ITPR2: variants seen among roughly 807,000 people sequenced by gnomAD.
ITPR2 encodes inositol 1,4,5-trisphosphate receptor type 2.
ITPR2 carries 207 observed loss-of-function variants against 317.1 expected under a neutral mutation model. That is an observed-to-expected ratio of 0.65 (90% CI 0.58 to 0.73). The LOEUF is 0.73. Among genes scored for constraint, ITPR2 ranks in the 30% least tolerant of loss-of-function variants. The probability of loss-of-function intolerance (pLI) is 0.00; values close to 1 mark genes in which losing one functional copy is unlikely to be tolerated. For synonymous variants in ITPR2, 1,156 were observed against 1,149.1 expected (o/e 1.01, Z -0.12); for missense variants, 2,613 against 3,284.0 (o/e 0.80, Z 4.99).
At chr12:26,733,428 A>G (rs1949060103) in intron 2 of ITPR2, among the ~76,000 whole-genome samples, 1 of 152,104 alleles carries the variant, frequency 6.6e-6, no homozygotes, top group South Asian at 2.1e-4. Context: ...ACACAACACA[A>G]CCTCTAGAAA....
intron 32 of ITPR2, among the ~76,000 whole-genome samples, chr12:26,593,513 G>A (rs544618059): frequency 2.6e-5 from 4 of 152,318 alleles, no homozygotes; most frequent in Non-Finnish European, 5.9e-5. Flanking sequence ...AAAAGGAAAG[G>A]TGATTCCTGT....
chr12:26,354,749 A>G (rs1219117096), intron 55 of ITPR2, among the ~76,000 whole-genome samples: 1 of 151,820 alleles, frequency 6.6e-6, no homozygotes, highest in Non-Finnish European at 1.5e-5. Flanking sequence ...GCTCACTGCA[A>G]CCTCTGCCTC....
chr12:26,590,098 A>G (rs7132085), intron 32 of ITPR2, among the ~76,000 whole-genome samples: 108,986 of 151,238 alleles, frequency 0.72, 40,830 homozygotes, highest in Non-Finnish European at 0.83. Context: ...GAAGGCTATC[A>G]GAAAATATCT....
intron 21 of ITPR2, among the ~76,000 whole-genome samples, chr12:26,647,214 T>C (rs969903227): frequency 3.3e-5 from 5 of 152,224 alleles, no homozygotes; most frequent in African/African-American, 1.2e-4. Flanking sequence ...GATAACTAAA[T>C]AACAAACCAG....
intron 37 of ITPR2, among the ~76,000 whole-genome samples, chr12:26,540,832 C>T (rs1170816914): frequency 1.3e-5 from 2 of 152,038 alleles, no homozygotes; most frequent in African/African-American, 4.8e-5. Context: ...TTTCTAAAAG[C>T]AACTGTTGCT....
chr12:26,571,598 AG>A (rs1321567737), intron 34 of ITPR2, among the ~76,000 whole-genome samples: 10 of 152,388 alleles, frequency 6.6e-5, no homozygotes, highest in African/African-American at 2.4e-4. Flanking sequence ...ATAGCAGAGC[AG>A]AGATTTGTGA....
chr12:26,789,357 G>A (rs1185662685), intron 2 of ITPR2, among the ~76,000 whole-genome samples: 1 of 152,130 alleles, frequency 6.6e-6, no homozygotes, highest in Non-Finnish European at 1.5e-5. Context: ...CTTTTCCATT[G>A]CAGTAAGCAG....
At chr12:26,724,395 C>A (rs1265553760) in intron 4 of ITPR2, among the ~76,000 whole-genome samples, 2 of 152,136 alleles carry the variant, frequency 1.3e-5, no homozygotes, top group African/African-American at 2.4e-5. Context: ...TGTTTCCTGA[C>A]CCTCTTCTTT....
At chr12:26,682,230 C>T (rs998711386) in intron 12 of ITPR2, among the ~76,000 whole-genome samples, 196 bp from the exon 13 acceptor site, 5 of 152,142 alleles carry the variant, frequency 3.3e-5, no homozygotes, top group Non-Finnish European at 7.4e-5. Context: ...GCCCTGTTCC[C>T]AAAGCCCCAC....
intron 43 of ITPR2, among the ~76,000 whole-genome samples, chr12:26,480,230 G>A (rs1222502457): frequency 6.6e-6 from 1 of 152,082 alleles, no homozygotes; most frequent in East Asian, 1.9e-4. Context: ...CTTAGTATTT[G>A]GGCTTTATAT....
chr12:26,403,771 T>C (rs758259660), intron 52 of ITPR2, among the ~76,000 whole-genome samples: 8 of 152,154 alleles, frequency 5.3e-5, no homozygotes, highest in Non-Finnish European at 8.8e-5. Context: ...GACTCATCAA[T>C]GTACTAAGAC....
intron 35 of ITPR2, among the ~76,000 whole-genome samples, 174 bp from the exon 36 acceptor site, chr12:26,556,549 G>A (rs1386106088): frequency 1.7e-5 from 2 of 116,454 alleles, no homozygotes; most frequent in African/African-American, 3.2e-5. Flanking sequence ...ATATTGCCTG[G>A]GTCTCTATTT....
intron 54 of ITPR2, among the ~76,000 whole-genome samples, chr12:26,391,555 CCTTTTTTTTTTTTTT>C (rs1262349006): frequency 1.4e-4 from 10 of 70,856 alleles, no homozygotes; most frequent in African/African-American, 4.3e-4. Flanking sequence ...TTCTTCTTTT[CCTTTTTTTTTTTTTT>C]TTTTTTTTTT....
chr12:26,403,247 A>G (rs563349599), intron 52 of ITPR2, among the ~76,000 whole-genome samples: 1 of 152,288 alleles, frequency 6.6e-6, no homozygotes, highest in East Asian at 1.9e-4. Context: ...AGACTTTGGT[A>G]AACACAGAAG....
chr12:26,656,565 ATATT>A lies in ITPR2; in HGVS notation c.2193-21_2193-18del, dbSNP rs766157618. 2.5e-6 allele frequency: 4 copies of A among 1,612,876 alleles called. No homozygotes were observed. Among genetic ancestry groups the A allele is most frequent in the Non-Finnish European group, 3.4e-6 (4 of 1,179,184 alleles). On this transcript the variant is annotated intron_variant, in intron 18 of 56. Coordinates refer to ENST00000381340, the MANE Select transcript of ITPR2 (RefSeq NM_002223.4). ...AGCTGGTACCTTAAAAATGGTAAAC[ATATT>A]ACATTATTGTCTTATCTCAAGGAAA...
chr12:26,535,351 A>T (rs931628367), intron 37 of ITPR2, among the ~76,000 whole-genome samples: 1 of 152,248 alleles, frequency 6.6e-6, no homozygotes, highest in Non-Finnish European at 1.5e-5. Context: ...TCGAGGTCAC[A>T]GAAGACCAAT....
chr12:26,479,353 T>A (rs1402398657), intron 43 of ITPR2, among the ~76,000 whole-genome samples: 1 of 151,492 alleles, frequency 6.6e-6, no homozygotes, highest in Non-Finnish European at 1.5e-5. Flanking sequence ...TCACTTAATT[T>A]TTTTACATAG....
At chr12:26,485,575 T>C (rs555375237) in intron 41 of ITPR2, among the ~76,000 whole-genome samples, 43 of 152,308 alleles carry the variant, frequency 2.8e-4, no homozygotes, top group African/African-American at 1.0e-3. Flanking sequence ...CAAAGGAAAA[T>C]GCAGGAAAGA....
At chr12:26,573,457 AG>A (rs1945209749) in intron 34 of ITPR2, among the ~76,000 whole-genome samples, 1 of 152,230 alleles carries the variant, frequency 6.6e-6, no homozygotes, top group Non-Finnish European at 1.5e-5. Context: ...TACATGCTAA[AG>A]GGGGGTGGGG....
Sources: gnomAD v4.1 joint callset for allele counts (sites outside exome capture counted in the v4.1 genomes callset) on GRCh38, gnomAD v4.1.1 for gene constraint, MANE v1.5 for transcripts, NCBI Gene and HGNC (gene_info 2026-07-23, HGNC 2026-07-21) for gene names.